XKR6: variants seen among roughly 807,000 people sequenced by gnomAD.
XKR6 encodes XK-related protein 6.
Under a neutral mutation model 56.7 loss-of-function variants are expected in XKR6, and 22 were observed. That is an observed-to-expected ratio of 0.39 (90% confidence interval 0.28 to 0.55). XKR6 has a LOEUF of 0.55. Among genes scored for constraint, XKR6 ranks in the 20% least tolerant of loss-of-function variants. The pLI is 0.66. For missense variants in XKR6, 852 were observed against 889.0 expected, an observed-to-expected ratio of 0.96 and a Z score of 0.53; for synonymous variants, 524 against 387.8, an observed-to-expected ratio of 1.35 and a Z score of -4.13.
At chr8:11,026,172 G>T (rs1041542112) in intron 1 of XKR6, among the ~76,000 whole-genome samples, 4 of 151,998 alleles carry the variant, frequency 2.6e-5, no homozygotes, top group Admixed American at 6.5e-5. Context: ...CACCTAGATG[G>T]TCTAGCCTAC....
At chr8:10,907,329 A>G (rs758027727) in intron 2 of XKR6, among the ~76,000 whole-genome samples, 1 of 152,216 alleles carries the variant, frequency 6.6e-6, no homozygotes, top group Non-Finnish European at 1.5e-5. Context: ...CATGGTTTCT[A>G]TGAAAGATCT....
In XKR6 at chr8:11,201,218, C is replaced by A; in HGVS notation, c.122G>T (p.Gly41Val). ...DGEPGGGGCG[G>V]GGDGSEPGES... is the part of the protein sequence containing the mutation. Reference sequence around the variant, plus strand: ...GCCGGGCTCGCTGCCGTCGCCGCCGCCGCCGCAGCCGCCTCCCCCGGGCTC... The same window carrying A: ...GCCGGGCTCGCTGCCGTCGCCGCCGACGCCGCAGCCGCCTCCCCCGGGCTC... Residue 41 changes from glycine to valine, a missense_variant, in exon 1 of 3, where the codon GGC becomes GTC. Around this residue, in one of 4 missense-constraint regions of XKR6, gnomAD observed 417 missense variants for 355.2 expected, o/e 1.17. Coordinates refer to ENST00000416569, the MANE Select transcript of XKR6 (RefSeq NM_173683.4). The A allele has an allele frequency of 1.3e-6, 2 of 1,537,142 alleles. No individual in the cohort carries two copies. The highest frequency in any genetic ancestry group is 2.0e-4 in the Middle Eastern group (1 of 5,116).
At chr8:11,034,215 G>T (rs562754653) in intron 1 of XKR6, among the ~76,000 whole-genome samples, 1 of 152,324 alleles carries the variant, frequency 6.6e-6, no homozygotes, top group East Asian at 1.9e-4. Flanking sequence ...GAGTTCAACA[G>T]GAAAGGCTGC....
At chr8:11,076,917 G>A (rs149924702) in intron 1 of XKR6, among the ~76,000 whole-genome samples, 242 of 152,244 alleles carry the variant, frequency 1.6e-3, no homozygotes, top group Middle Eastern at 6.8e-3. Context: ...TGGCTCATGC[G>A]TGTAATCCCA....
intron 1 of XKR6, among the ~76,000 whole-genome samples, chr8:11,120,903 C>T (rs1319786657): frequency 1.3e-5 from 2 of 152,270 alleles, no homozygotes; most frequent in East Asian, 3.9e-4. Context: ...ACTATCTGAT[C>T]TTTGACAAAC....
intron 1 of XKR6, among the ~76,000 whole-genome samples, chr8:10,970,827 T>G (rs545401269): frequency 9.8e-4 from 147 of 150,454 alleles, no homozygotes; most frequent in Middle Eastern, 3.5e-3. Flanking sequence ...AAAAAACCTC[T>G]GTATCATTAA....
intron 1 of XKR6, among the ~76,000 whole-genome samples, chr8:11,187,730 C>T (rs1585034583): frequency 6.6e-6 from 1 of 152,176 alleles, no homozygotes; most frequent in Non-Finnish European, 1.5e-5. Context: ...ATCTGCTGGG[C>T]TCTCCATCAC....
chr8:11,001,931 C>T (rs542034232), intron 1 of XKR6, among the ~76,000 whole-genome samples: 18 of 152,164 alleles, frequency 1.2e-4, no homozygotes, highest in Non-Finnish European at 2.4e-4. Flanking sequence ...CCACCATACC[C>T]GTTGCTCCCC....
intron 1 of XKR6, among the ~76,000 whole-genome samples, chr8:11,080,862 T>G (rs1797695119): frequency 6.6e-6 from 1 of 152,158 alleles, no homozygotes; most frequent in African/African-American, 2.4e-5. Context: ...GCTGCCAACC[T>G]CTTTGGAGAG....
Position 11,200,190 on chromosome 8 carries a change from G to A in XKR6, c.764+386C>T, listed in dbSNP as rs538526504. Among the ~76,000 whole-genome samples, 54 of 152,344 alleles carry A rather than the reference G, an allele frequency of 3.5e-4. 1 individual carries two copies. The South Asian group carries it at 0.011, about 31-fold the overall frequency. ...GGGAACAAACCCGAATGCAGCGGCT[G>A]GAGGAGGGAAGGCTCCCCGGGGCCG... On this transcript the variant is annotated intron_variant, in intron 1 of 2. Coordinates refer to ENST00000416569, the MANE Select transcript of XKR6 (RefSeq NM_173683.4). This position sits in a 1 kb window ranked among gnomAD's most constrained non-coding sequence, Gnocchi z 6.4.
chr8:10,958,669 TG>T (rs1801969715), intron 1 of XKR6, among the ~76,000 whole-genome samples: 1 of 152,240 alleles, frequency 6.6e-6, no homozygotes, highest in South Asian at 2.1e-4. Flanking sequence ...GGACTCAGCC[TG>T]GGCCGCCCGC....
At chr8:11,007,611 AGG>A (rs1253499366) in intron 1 of XKR6, among the ~76,000 whole-genome samples, 1 of 152,184 alleles carries the variant, frequency 6.6e-6, no homozygotes, top group Non-Finnish European at 1.5e-5. Context: ...GGCAGACTGG[AGG>A]AGTCAGCTCT....
chr8:10,948,493 G>A (rs888399742), intron 1 of XKR6, among the ~76,000 whole-genome samples: 3 of 152,096 alleles, frequency 2.0e-5, no homozygotes, highest in Non-Finnish European at 2.9e-5. Flanking sequence ...TGAGATGAGC[G>A]GGGAAGACCA....
chr8:11,163,675 C>A (rs375043038), intron 1 of XKR6, among the ~76,000 whole-genome samples: 1 of 152,194 alleles, frequency 6.6e-6, no homozygotes, highest in Non-Finnish European at 1.5e-5. Flanking sequence ...TGGTCTGCTA[C>A]CCCAGACCAC....
intron 1 of XKR6, among the ~76,000 whole-genome samples, chr8:11,159,538 C>A (rs536667918): frequency 2.0e-5 from 3 of 152,332 alleles, no homozygotes; most frequent in Non-Finnish European, 4.4e-5. Flanking sequence ...CTGGACCCAT[C>A]CCCATTCCCT....
intron 1 of XKR6, among the ~76,000 whole-genome samples, chr8:10,976,849 C>T (rs1212643321): frequency 6.6e-6 from 1 of 152,032 alleles, no homozygotes; most frequent in East Asian, 1.9e-4. Context: ...ATGTGGCCTC[C>T]CTGAAAGAAA....
At chr8:11,060,987 G>C (rs553607593) in intron 1 of XKR6, among the ~76,000 whole-genome samples, 2 of 152,276 alleles carry the variant, frequency 1.3e-5, no homozygotes, top group Admixed American at 6.5e-5. Flanking sequence ...CATCTCCAAG[G>C]CTGGGTTTGG....
At chr8:11,032,139 C>T (rs960707613) in intron 1 of XKR6, among the ~76,000 whole-genome samples, 5 of 152,210 alleles carry the variant, frequency 3.3e-5, no homozygotes, top group African/African-American at 1.2e-4. Context: ...AGAATCTTGC[C>T]TTTGCTCATC....
intron 1 of XKR6, among the ~76,000 whole-genome samples, chr8:10,978,974 C>T (rs1234962022): frequency 2.0e-5 from 3 of 152,212 alleles, no homozygotes; most frequent in East Asian, 3.9e-4. Flanking sequence ...GCAAATTACT[C>T]TGCTGCCATG....
Sources: allele counts gnomAD v4.1 joint callset (sites outside exome capture counted in the v4.1 genomes callset), GRCh38; gene constraint gnomAD v4.1.1; regional missense constraint gnomAD v4.1.1; non-coding constraint Gnocchi (gnomAD v3.1); transcripts MANE v1.5; gene names NCBI Gene and HGNC (gene_info 2026-07-23, HGNC 2026-07-21).